Variants in ERBB4 observed in about 807,000 individuals in gnomAD.
The protein encoded by ERBB4 is receptor tyrosine-protein kinase erbB-4.
Under a neutral mutation model 158.0 loss-of-function variants are expected in ERBB4, and 42 were observed. That is an observed-to-expected ratio of 0.27 (90% confidence interval 0.21 to 0.34). The LOEUF (loss-of-function observed/expected upper bound fraction) is 0.34, where lower values mean the gene tolerates loss of function less well. Among genes scored for constraint, ERBB4 ranks in the 10% least tolerant of loss-of-function variants. ERBB4 has a pLI of 1.00. For synonymous variants in ERBB4, 583 were observed against 558.7 expected (o/e 1.04, Z -0.61); for missense variants, 1,333 against 1,624.1 (o/e 0.82, Z 3.08).
chr2:212,133,532 C>T (rs1216746378), intron 1 of ERBB4, among the ~76,000 whole-genome samples: 1 of 151,014 alleles, frequency 6.6e-6, no homozygotes, highest in African/African-American at 2.4e-5. Context: ...TTGCTCAGCA[C>T]CTCGGAAAGC....
In ERBB4 at chr2:211,705,379, A is replaced by G. The variant is rs370764779; in HGVS notation, c.1137T>C (p.Asn379=). The part of the protein sequence containing the change: ...LVTGIHGDPY[N]AIEAIDPEKL... ...TCTCTGGGTCTATGGCTTCAATTGC[A>G]TTGTAAGGGTCCCTAGAAAATCAAG... Residue 379 remains asparagine, a synonymous_variant, in exon 10 of 28, where the codon AAT becomes AAC. Coordinates refer to ENST00000342788, the MANE Select transcript of ERBB4 (RefSeq NM_005235.3). The G allele has an allele frequency of 1.4e-5, 22 of 1,610,348 alleles. No individual in the cohort carries two copies. Among genetic ancestry groups the G allele is most frequent in the African/African-American group, 4.0e-5 (3 of 74,820 alleles).
chr2:211,742,590 G>GTT (rs563135071), intron 5 of ERBB4, among the ~76,000 whole-genome samples: 17 of 119,306 alleles, frequency 1.4e-4, no homozygotes, highest in African/African-American at 3.4e-4. Context: ...CCAGGCTAAG[G>GTT]TTTTGTTTTT....
chr2:212,496,602 A>C (rs1259782948), intron 1 of ERBB4, among the ~76,000 whole-genome samples: 1 of 152,168 alleles, frequency 6.6e-6, no homozygotes, highest in Non-Finnish European at 1.5e-5. Flanking sequence ...TATAAGATAA[A>C]ATTTTGTCCT....
intron 5 of ERBB4, 125 bp downstream of exon 5, chr2:211,750,514 G>A: frequency 2.4e-6 from 2 of 829,460 alleles, no homozygotes; most frequent in Non-Finnish European, 4.2e-6. Flanking sequence ...TTGGCCCAAA[G>A]CAAATCAACC....
rs62626349 is a variant in ERBB4, at chr2:212,538,797, G to C, written c.-267C>G. 0.027 allele frequency: 9,548 copies of C among 355,938 alleles called. 158 individuals are homozygous for C. Among genetic ancestry groups the C allele is most frequent in the Non-Finnish European group, 0.035 (7,133 of 202,558 alleles). The allele number at this position is 355,938 out of a possible 1,614,324, so 22.0% of individuals were successfully genotyped here. A position where few individuals can be genotyped will look rare whatever the true frequency, so the allele number is the denominator to read the frequency against. Reference sequence around the variant, plus strand: ...TGTGTGCGCTTGGCGCTCTGGGCCGGACTGTGCAGCTATTTCCCCGCGTGA... The same window carrying C: ...TGTGTGCGCTTGGCGCTCTGGGCCGCACTGTGCAGCTATTTCCCCGCGTGA... On this transcript the variant is annotated 5_prime_UTR_variant, in exon 1 of 28. Transcript: ENST00000342788.
chr2:212,259,217 A>C (rs1219224457), intron 1 of ERBB4, among the ~76,000 whole-genome samples: 1 of 152,176 alleles, frequency 6.6e-6, no homozygotes, highest in Non-Finnish European at 1.5e-5. Flanking sequence ...GCAATATTAA[A>C]ATAACAGTCT....
chr2:211,852,054 CT>C (rs2077733650), intron 3 of ERBB4, among the ~76,000 whole-genome samples: 1 of 151,884 alleles, frequency 6.6e-6, no homozygotes, highest in African/African-American at 2.4e-5. Context: ...TTATCTGTAA[CT>C]TTCATTCAGT....
At chr2:211,823,745 C>T (rs2105949118) in intron 3 of ERBB4, among the ~76,000 whole-genome samples, 1 of 152,054 alleles carries the variant, frequency 6.6e-6, no homozygotes, top group South Asian at 2.1e-4. Context: ...GATGGGGCTT[C>T]TATAATCTGT....
At chr2:211,528,717 T>C (rs1010635094) in intron 20 of ERBB4, among the ~76,000 whole-genome samples, 1 of 151,984 alleles carries the variant, frequency 6.6e-6, no homozygotes, top group African/African-American at 2.4e-5. Flanking sequence ...TTTGAAATTA[T>C]ACAAACACAT....
chr2:211,962,277 C>G (rs2081199983), intron 2 of ERBB4, among the ~76,000 whole-genome samples: 1 of 152,140 alleles, frequency 6.6e-6, no homozygotes, highest in South Asian at 2.1e-4. Context: ...TATATGAAAT[C>G]AGAAACCAAA....
chr2:212,336,757 T>C (rs139747123), intron 1 of ERBB4, among the ~76,000 whole-genome samples: 1 of 152,198 alleles, frequency 6.6e-6, no homozygotes, highest in East Asian at 1.9e-4. Context: ...TCACTCTAAC[T>C]CTTCACTTTG....
intron 3 of ERBB4, among the ~76,000 whole-genome samples, chr2:211,944,177 C>CTATATATATATATATAGTGTATATATA (rs1553517867): frequency 1.6e-4 from 6 of 38,580 alleles, no homozygotes; most frequent in South Asian, 8.8e-4. Context: ...TATATATATA[C>CTATATATATATATATAGTGTATATATA]TATATATATA....
chr2:211,705,221 G>A (rs990695272), intron 10 of ERBB4, 97 bp downstream of exon 10: 4 of 848,454 alleles, frequency 4.7e-6, no homozygotes, highest in South Asian at 1.3e-5. Flanking sequence ...CTAAGTGCTG[G>A]GATTACTGGT....
At chr2:211,407,954 C>T (rs1020872946) in intron 25 of ERBB4, among the ~76,000 whole-genome samples, 10 of 152,316 alleles carry the variant, frequency 6.6e-5, no homozygotes, top group Admixed American at 1.3e-4. Context: ...AAAGGATATT[C>T]TGAGCCTCTC....
intron 3 of ERBB4, among the ~76,000 whole-genome samples, chr2:211,875,540 A>C (rs1179421216): frequency 6.6e-6 from 1 of 152,212 alleles, no homozygotes; most frequent in African/African-American, 2.4e-5. Context: ...TGGTGGTCTC[A>C]TAAGATTTTA....
intron 1 of ERBB4, among the ~76,000 whole-genome samples, chr2:212,133,827 T>TA (rs2080186149): frequency 6.6e-6 from 1 of 151,998 alleles, no homozygotes; most frequent in African/African-American, 2.4e-5. Flanking sequence ...AAAATAAAAA[T>TA]AAAAGAGAAC....
At chr2:211,580,601 A>C (rs896316548) in intron 19 of ERBB4, among the ~76,000 whole-genome samples, 3 of 151,366 alleles carry the variant, frequency 2.0e-5, no homozygotes, top group Non-Finnish European at 4.4e-5. Flanking sequence ...AGATTCCTTA[A>C]AGAACTAAAA....
At chr2:212,531,024 C>T (rs762451391) in intron 1 of ERBB4, among the ~76,000 whole-genome samples, 14 of 152,118 alleles carry the variant, frequency 9.2e-5, no homozygotes, top group Non-Finnish European at 1.8e-4. Context: ...GTTTAGTACG[C>T]TTCAGTAACC....
At chr2:212,453,185 A>G (rs1215357534) in intron 1 of ERBB4, among the ~76,000 whole-genome samples, 2 of 152,222 alleles carry the variant, frequency 1.3e-5, no homozygotes, top group Non-Finnish European at 2.9e-5. Context: ...TCAAGTATCA[A>G]GCATATAACT....
Sources: gnomAD v4.1 joint callset for allele counts (sites outside exome capture counted in the v4.1 genomes callset) on GRCh38, gnomAD v4.1.1 for gene constraint, MANE v1.5 for transcripts, NCBI Gene and HGNC (gene_info 2026-07-23, HGNC 2026-07-21) for gene names.